DEPTOR: variants seen among roughly 807,000 people sequenced by gnomAD.
DEPTOR encodes DEP domain-containing mTOR-interacting protein.
DEPTOR carries 41 observed loss-of-function variants against 41.6 expected under a neutral mutation model. The ratio of observed to expected loss-of-function variants is 0.98; its 90% confidence interval spans 0.77 to 1.28. The LOEUF is 1.28. Ranked by LOEUF, DEPTOR falls within the 50% of genes most tolerant of loss-of-function variation. DEPTOR has a pLI of 0.00. For missense variants in DEPTOR, 514 were observed against 527.9 expected (o/e 0.97, Z 0.26); for synonymous variants, 195 against 192.3 (o/e 1.01, Z -0.12).
At chr8:120,045,250 C>G (rs1813136756) in intron 8 of DEPTOR, among the ~76,000 whole-genome samples, 1 of 152,282 alleles carries the variant, frequency 6.6e-6, no homozygotes, top group South Asian at 2.1e-4. Flanking sequence ...CCTGAATCAG[C>G]CTTACTTTAT....
chr8:119,938,160 C>T (rs565377012), intron 3 of DEPTOR, among the ~76,000 whole-genome samples: 7 of 152,258 alleles, frequency 4.6e-5, no homozygotes, highest in Admixed American at 1.3e-4. Context: ...AATTGGATTC[C>T]GTAGCTGATC....
intron 1 of DEPTOR, among the ~76,000 whole-genome samples, chr8:119,889,627 AAGGGAAGGGGAGGGGAGGGGAGGATGGGG>A (rs1827422938): frequency 9.8e-5 from 2 of 20,410 alleles, no homozygotes; most frequent in Non-Finnish European, 1.1e-4. Flanking sequence ...GAGGGGAGGG[AAGGGAAGGGGAGGGGAGGGGAGGATGGGG>A]AGGGGAGGGG....
chr8:120,011,745 C>A (rs1812533657), intron 8 of DEPTOR, among the ~76,000 whole-genome samples: 1 of 152,170 alleles, frequency 6.6e-6, no homozygotes, highest in Non-Finnish European at 1.5e-5. Flanking sequence ...GCATTGTCAA[C>A]TCATTAACTA....
At chr8:119,940,274 C>T (rs977796718) in intron 3 of DEPTOR, among the ~76,000 whole-genome samples, 3 of 151,990 alleles carry the variant, frequency 2.0e-5, no homozygotes, top group African/African-American at 7.2e-5. Context: ...AGCAATCCTA[C>T]TTTTGGGTAT....
intron 1 of DEPTOR, among the ~76,000 whole-genome samples, chr8:119,889,662 A>AGGGGAGGAGGGGGAGGGGG (rs1827425439): frequency 7.4e-5 from 1 of 13,524 alleles, no homozygotes; most frequent in African/African-American, 3.1e-4. Context: ...TGGGGAGGGG[A>AGGGGAGGAGGGGGAGGGGG]GGGGAGGGGA....
rs1021430215 is a variant in DEPTOR at position 119,901,008 on chromosome 8, T to C, written c.122+27040T>C. ...TAAAATTGCTTTTAGTTTCAAAGCA[T>C]TGAAATTTCATTCTCCTCTTTCCTT... On this transcript the variant is annotated intron_variant, in intron 1 of 8. Transcript: ENST00000286234. Among the ~76,000 whole-genome samples, 23 of 152,174 alleles carry C rather than the reference T, an allele frequency of 1.5e-4. 2 individuals are homozygous for C. Among genetic ancestry groups the C allele is most frequent in the Admixed American group, 1.4e-3 (21 of 15,268 alleles).
chr8:120,007,561 T>C (rs1271302337), intron 7 of DEPTOR, among the ~76,000 whole-genome samples: 1 of 152,184 alleles, frequency 6.6e-6, no homozygotes, highest in Non-Finnish European at 1.5e-5. Flanking sequence ...CTCCCCTTCC[T>C]GTGTCTCCTT....
At chr8:119,997,790 A>T (rs1586650992) in intron 4 of DEPTOR, among the ~76,000 whole-genome samples, 1 of 152,216 alleles carries the variant, frequency 6.6e-6, no homozygotes, top group Non-Finnish European at 1.5e-5. Flanking sequence ...CCTAGATTGC[A>T]TGTGTTGATG....
intron 8 of DEPTOR, among the ~76,000 whole-genome samples, chr8:120,034,296 C>CACAT (rs1812940622): frequency 6.9e-6 from 1 of 143,928 alleles, no homozygotes; most frequent in Non-Finnish European, 1.5e-5. Context: ...CACACACACA[C>CACAT]ACATTGTATT....
intron 4 of DEPTOR, among the ~76,000 whole-genome samples, chr8:119,976,368 C>T (rs951116003): frequency 1.3e-5 from 2 of 151,774 alleles, no homozygotes; most frequent in East Asian, 3.9e-4. Context: ...ATATATATGT[C>T]GTATCAGCAA....
intron 3 of DEPTOR, among the ~76,000 whole-genome samples, chr8:119,953,266 G>T (rs1330042374): frequency 6.6e-6 from 1 of 152,176 alleles, no homozygotes. Flanking sequence ...TAGGGTTCAA[G>T]AAATTATGAA....
intron 4 of DEPTOR, among the ~76,000 whole-genome samples, chr8:119,973,833 T>C (rs1828662707): frequency 6.6e-6 from 1 of 152,210 alleles, no homozygotes; most frequent in African/African-American, 2.4e-5. Flanking sequence ...CAAAGCAGTT[T>C]TACATACATT....
At chr8:120,031,789 C>T (rs1322687238) in intron 8 of DEPTOR, among the ~76,000 whole-genome samples, 1 of 152,210 alleles carries the variant, frequency 6.6e-6, no homozygotes, top group African/African-American at 2.4e-5. Flanking sequence ...TCTCTTGTCT[C>T]CTCAGCCTCC....
intron 4 of DEPTOR, among the ~76,000 whole-genome samples, chr8:119,981,727 A>G (rs1828769478): frequency 6.6e-6 from 1 of 151,576 alleles, no homozygotes; most frequent in African/African-American, 2.4e-5. Flanking sequence ...TTAAATTCCT[A>G]GTCTTCAGGC....
intron 1 of DEPTOR, among the ~76,000 whole-genome samples, chr8:119,919,933 G>C (rs1827868377): frequency 6.6e-6 from 1 of 152,122 alleles, no homozygotes; most frequent in South Asian, 2.1e-4. Context: ...TGCAGGTATT[G>C]TTAACACCCT....
intron 3 of DEPTOR, among the ~76,000 whole-genome samples, chr8:119,948,152 G>C (rs1828306250): frequency 6.6e-6 from 1 of 152,132 alleles, no homozygotes; most frequent in East Asian, 1.9e-4. Context: ...CTTGCACATA[G>C]GTTTTTTAAC....
At position 120,001,614 on chromosome 8, in the gene DEPTOR, A is replaced by G; in HGVS notation, c.694A>G (p.Asn232Asp). Reference protein sequence around the residue: ...RRRRRLMELLNEKSPSSQETH... With the variant: ...RRRRRLMELLDEKSPSSQETH... ...GAGGCGAAGACTGATGGAGCTGCTCAATGAAAAGTCCCCCTCCTCCCAGGA... is the reference window on the plus strand; with the variant it reads ...GAGGCGAAGACTGATGGAGCTGCTCGATGAAAAGTCCCCCTCCTCCCAGGA... Residue 232 changes from asparagine to aspartate, a missense_variant, in exon 5 of 9, where the codon AAT (asparagine) becomes GAT (aspartate). Physicochemically the swap from Asn to Asp is conservative, Grantham distance 23. Transcript: ENST00000286234. 1 of 1,613,960 alleles carries G rather than the reference A, an allele frequency of 6.2e-7. No individual in the cohort carries two copies. The highest frequency in any genetic ancestry group is 1.7e-5 in the Admixed American group (1 of 60,006).
intron 3 of DEPTOR, among the ~76,000 whole-genome samples, chr8:119,964,515 C>CAAAAAAAAAAAAAAA (rs536731714): frequency 8.2e-6 from 1 of 121,692 alleles, no homozygotes; most frequent in African/African-American, 3.3e-5. Context: ...AAGCCCGTCT[C>CAAAAAAAAAAAAAAA]AAAAAAAAAA....
chr8:119,884,447 G>A (rs1463893050), intron 1 of DEPTOR, among the ~76,000 whole-genome samples: 2 of 152,128 alleles, frequency 1.3e-5, no homozygotes, highest in Non-Finnish European at 2.9e-5. Flanking sequence ...AGTGGTGTCC[G>A]AAAGCAAAGA....
Sources: gnomAD v4.1 joint callset for allele counts (sites outside exome capture counted in the v4.1 genomes callset) on GRCh38, gnomAD v4.1.1 for gene constraint, MANE v1.5 for transcripts, NCBI Gene and HGNC (gene_info 2026-07-23, HGNC 2026-07-21) for gene names.